The following SEL1L3 variants were observed in gnomAD, a reference collection of about 807,000 sequenced individuals.
SEL1L3 encodes protein sel-1 homolog 3.
In SEL1L3, 76 loss-of-function variants were observed where a neutral mutation model predicts 142.8. That is an observed-to-expected ratio of 0.53 (90% CI 0.44 to 0.64). The LOEUF (loss-of-function observed/expected upper bound fraction) is 0.64. Ranked by LOEUF, SEL1L3 falls within the 30% of genes least tolerant of loss-of-function variation. The probability of loss-of-function intolerance (pLI) is 0.00; values close to 1 mark genes in which losing one functional copy is unlikely to be tolerated. For synonymous variants in SEL1L3, 504 were observed against 519.6 expected, an observed-to-expected ratio of 0.97 and a Z score of 0.41; for missense variants, 1,262 against 1,381.7, an observed-to-expected ratio of 0.91 and a Z score of 1.37.
At chr4:25,844,338 C>A (rs143510819) in intron 2 of SEL1L3, among the ~76,000 whole-genome samples, 2 of 152,230 alleles carry the variant, frequency 1.3e-5, no homozygotes, top group East Asian at 3.9e-4. Flanking sequence ...GCCCCTTTTT[C>A]GGTAAACAAA....
chr4:25,850,503 A>C lies in SEL1L3; in HGVS notation c.163-2639T>G, dbSNP rs78376874. The stretch of plus-strand genomic sequence containing the variant: ...GTATTGTTGGTGGCAGTAATCTCTA[A>C]TCTTTATGAGGCCAATCAAGTAATA... On this transcript the variant is annotated intron_variant, in intron 1 of 23. Transcript: ENST00000399878. 6.6e-4 allele frequency among the ~76,000 whole-genome samples: 101 copies of C among 152,330 alleles called. 1 individual carries two copies. The highest frequency in any genetic ancestry group is 2.3e-3 in the African/African-American group (97 of 41,570).
At chr4:25,833,189 T>G in intron 4 of SEL1L3, 79 bp from the exon 5 acceptor site, 1 of 881,608 alleles carries the variant, frequency 1.1e-6, no homozygotes, top group Non-Finnish European at 1.9e-6. Context: ...TTTTCAACAA[T>G]TGTCCTAAGA....
intron 14 of SEL1L3, 133 bp downstream of exon 14, chr4:25,784,095 A>C: frequency 1.3e-6 from 1 of 744,700 alleles, no homozygotes; most frequent in Non-Finnish European, 2.4e-6. Context: ...CGTGCTGGCG[A>C]CCAACTGCTC....
chr4:25,734,235 C>T, the SEL1L3 span, among the ~76,000 whole-genome samples: 11 of 151,872 alleles, frequency 7.2e-5, no homozygotes, highest in African/African-American at 2.4e-4. Flanking sequence ...TAGTAGAGAC[C>T]GGGTTTCATC....
At chr4:25,849,443 T>G (rs1374210073) in intron 1 of SEL1L3, among the ~76,000 whole-genome samples, 1 of 152,142 alleles carries the variant, frequency 6.6e-6, no homozygotes, top group Non-Finnish European at 1.5e-5. Context: ...AGAACAGACA[T>G]TATATCATCC....
the SEL1L3 span, among the ~76,000 whole-genome samples, chr4:25,726,812 CT>C: frequency 6.6e-6 from 1 of 152,180 alleles, no homozygotes; most frequent in African/African-American, 2.4e-5. Context: ...CTGTTATTCG[CT>C]TGTGAGACGT....
At chr4:25,715,257 T>A in the SEL1L3 span, among the ~76,000 whole-genome samples, 1 of 152,124 alleles carries the variant, frequency 6.6e-6, no homozygotes, top group Non-Finnish European at 1.5e-5. Flanking sequence ...TTTGGGAGAT[T>A]GAGGCAGGAC....
the SEL1L3 span, among the ~76,000 whole-genome samples, chr4:25,733,599 C>T: frequency 1.3e-4 from 19 of 148,302 alleles, no homozygotes; most frequent in Non-Finnish European, 2.4e-4. Flanking sequence ...CGGCTCACTG[C>T]AACCTCTGCC....
At position 25,788,569 on chromosome 4, in the gene SEL1L3, C is replaced by CGTGTGT. The variant is rs58435041; in HGVS notation, c.2077-211_2077-206dup. 4.4e-4 allele frequency among the ~76,000 whole-genome samples: 61 copies of CGTGTGT among 140,060 alleles called. No individual in the cohort carries two copies. Among genetic ancestry groups the CGTGTGT allele is most frequent in the East Asian group, 1.1e-3 (5 of 4,522 alleles). 91.9% of individuals were successfully genotyped at this position (140,060 alleles called of 152,430 possible). A position where few individuals can be genotyped will look rare whatever the true frequency, so the allele number is the denominator to read the frequency against. ...CCCTTAATGCAAGCCAGAAATGGTT[C>CGTGTGT]GTGTGTGTGTGTGTGTGTGTGTGTG... On this transcript the variant is annotated intron_variant, in intron 12 of 23. Transcript: ENST00000399878. The surrounding 1 kb of genome is among the most constrained non-coding windows in gnomAD (Gnocchi z 5.3).
chr4:25,826,717 T>G (rs1038699068), intron 6 of SEL1L3, among the ~76,000 whole-genome samples: 1 of 152,162 alleles, frequency 6.6e-6, no homozygotes, highest in Non-Finnish European at 1.5e-5. Context: ...TGTGGCAGGG[T>G]CTCGCTCTGT....
Position 25,748,268 on chromosome 4 carries a change from G to C in SEL1L3, c.*157C>G, listed in dbSNP as rs7670806. ...CACTGCCTGATCTGGGTACTTCCTT[G>C]TAATTTGACTTTAAAAAAAATGACA... On this transcript the variant is annotated 3_prime_UTR_variant, in exon 24 of 24. Transcript: ENST00000399878. 4.3e-3 allele frequency: 2,915 copies of C among 676,216 alleles called. 73 individuals are homozygous for C. The African/African-American group carries it at 0.045, about 10-fold the overall frequency. The allele number at this position is 676,216 out of a possible 1,614,324, so 41.9% of individuals were successfully genotyped here.
At chr4:25,765,141 A>G (rs949991529) in intron 20 of SEL1L3, among the ~76,000 whole-genome samples, 185 bp downstream of exon 20, 3 of 151,914 alleles carry the variant, frequency 2.0e-5, no homozygotes, top group African/African-American at 7.3e-5. Flanking sequence ...ACTACAGGCG[A>G]GCACCACCAC....
chr4:25,724,716 G>A, the SEL1L3 span, among the ~76,000 whole-genome samples: 4 of 102,234 alleles, frequency 3.9e-5, no homozygotes, highest in African/African-American at 7.4e-5. Context: ...CAGCCTTGGC[G>A]ACAGAGCCAG....
chr4:25,810,399 C>T (rs908533150), intron 9 of SEL1L3, among the ~76,000 whole-genome samples: 2 of 152,114 alleles, frequency 1.3e-5, no homozygotes, highest in African/African-American at 2.4e-5. Flanking sequence ...CAGTCCTCAT[C>T]GCATCTCTTC....
chr4:25,833,237 C>G, intron 4 of SEL1L3, 127 bp from the exon 5 acceptor site: 1 of 718,294 alleles, frequency 1.4e-6, no homozygotes, highest in South Asian at 1.8e-5. Context: ...AAAACCCAAA[C>G]ACGCATTTAT....
downstream of SEL1L3, among the ~76,000 whole-genome samples, chr4:25,744,046 G>C (rs932298649): frequency 4.6e-5 from 7 of 152,160 alleles, no homozygotes; most frequent in Non-Finnish European, 8.8e-5. Context: ...GACATGAATT[G>C]ACAATTAGCT....
chr4:25,818,871 A>G (rs929801053), intron 8 of SEL1L3, among the ~76,000 whole-genome samples: 2 of 152,186 alleles, frequency 1.3e-5, no homozygotes, highest in Admixed American at 6.5e-5. Context: ...CAGAAGCACT[A>G]TCTTTCCACA....
rs35600659 is a variant in SEL1L3, at chr4:25,851,887, CA to C, written c.163-4024del. Among the ~76,000 whole-genome samples, 421 of 59,594 alleles carry C rather than the reference CA, an allele frequency of 7.1e-3. 2 individuals are homozygous for C. Among genetic ancestry groups the C allele is most frequent in the Middle Eastern group, 0.025 (2 of 80 alleles). The allele number at this position is 59,594 out of a possible 152,430, so 39.1% of individuals were successfully genotyped here. On this transcript the variant is annotated intron_variant, in intron 1 of 23. Transcript: ENST00000399878. ...CTGGCGACAGAGTGAGACTCTGTCT[CA>C]AAAAAAAAAAAAAAAAAAAGGTCAC...
chr4:25,793,559 C>A (rs898111241), intron 11 of SEL1L3, among the ~76,000 whole-genome samples: 5 of 96,546 alleles, frequency 5.2e-5, no homozygotes, highest in African/African-American at 1.8e-4. Flanking sequence ...ACCTGGCCTG[C>A]CCCACTGCCC....
Sources: allele counts gnomAD v4.1 joint callset (sites outside exome capture counted in the v4.1 genomes callset), GRCh38; gene constraint gnomAD v4.1.1; non-coding constraint Gnocchi (gnomAD v3.1); transcripts MANE v1.5; gene names NCBI Gene and HGNC (gene_info 2026-07-23, HGNC 2026-07-21).